FOCAD: variants seen among roughly 807,000 people sequenced by gnomAD.
FOCAD encodes the protein KIAA1797.
FOCAD carries 198 observed loss-of-function variants against 225.6 expected under a neutral mutation model. The observed-to-expected ratio is 0.88, with a 90% CI of 0.78 to 0.99. The LOEUF (loss-of-function observed/expected upper bound fraction) is 0.99. Ranked by LOEUF, FOCAD falls within the 50% of genes least tolerant of loss-of-function variation. The pLI, the probability that FOCAD is intolerant of heterozygous loss-of-function variation, is 0.00. For synonymous variants in FOCAD, 897 were observed against 755.0 expected, an observed-to-expected ratio of 1.19 and a Z score of -3.08; for missense variants, 2,713 against 2,123.6, an observed-to-expected ratio of 1.28 and a Z score of -5.46.
chr9:20,901,704 T>A (rs1171870661), intron 21 of FOCAD, among the ~76,000 whole-genome samples: 1 of 151,924 alleles, frequency 6.6e-6, no homozygotes, highest in Admixed American at 6.6e-5. Context: ...CAATTGCGAA[T>A]TATGTTTCTA....
At chr9:20,821,706 A>G (rs921900702) in intron 14 of FOCAD, among the ~76,000 whole-genome samples, 3 of 152,148 alleles carry the variant, frequency 2.0e-5, no homozygotes, top group African/African-American at 7.2e-5. Context: ...AAATGTTTAC[A>G]GAAGAAATGG....
chr9:20,846,877 T>G (rs1827167907), intron 15 of FOCAD, among the ~76,000 whole-genome samples: 1 of 152,064 alleles, frequency 6.6e-6, no homozygotes, highest in South Asian at 2.1e-4. Flanking sequence ...TGCCAAGTCT[T>G]TTTATAAACA....
intron 20 of FOCAD, among the ~76,000 whole-genome samples, chr9:20,883,651 A>G (rs1830865766): frequency 6.6e-6 from 1 of 152,222 alleles, no homozygotes; most frequent in Non-Finnish European, 1.5e-5. Context: ...TAAGTAATGG[A>G]TGGATCAGAG....
chr9:20,668,601 A>G (rs1429761756), intron 2 of FOCAD, among the ~76,000 whole-genome samples: 1 of 152,214 alleles, frequency 6.6e-6, no homozygotes, highest in African/African-American at 2.4e-5. Flanking sequence ...CCTAAATGGT[A>G]TGATTACAGG....
chr9:20,881,786 T>C (rs1830684354), intron 19 of FOCAD, 85 bp from the exon 20 acceptor site: 3 of 1,344,432 alleles, frequency 2.2e-6, no homozygotes, highest in Non-Finnish European at 3.1e-6. Flanking sequence ...GTAGCTTAGT[T>C]GTTTGTATAT....
rs559098725 is a variant in FOCAD, at chr9:20,752,406, T to G, written c.393-5684T>G. 1.7e-4 allele frequency among the ~76,000 whole-genome samples: 26 copies of G among 152,216 alleles called. No homozygotes were observed. The East Asian group carries it at 1.7e-3, about 10-fold the overall frequency. On this transcript the variant is annotated intron_variant, in intron 5 of 43. Transcript: ENST00000338382. ...AGCCAGTTTTCCCAGCACCATTTAT[T>G]AAATAGGGAATCCTTTCCCCATTGC...
intron 11 of FOCAD, among the ~76,000 whole-genome samples, chr9:20,792,018 G>A (rs905171832): frequency 5.9e-5 from 9 of 152,336 alleles, no homozygotes; most frequent in African/African-American, 2.2e-4. Flanking sequence ...CAGGCTGCCT[G>A]AAGTCTCTGT....
chr9:20,795,604 G>A (rs528489614), intron 11 of FOCAD, among the ~76,000 whole-genome samples: 1 of 152,002 alleles, frequency 6.6e-6, no homozygotes, highest in South Asian at 2.1e-4. Context: ...GCTACACGGT[G>A]AAACCCCGTC....
chr9:20,822,410 A>G (rs1044777832), intron 14 of FOCAD, among the ~76,000 whole-genome samples: 65 of 152,196 alleles, frequency 4.3e-4, no homozygotes, highest in Non-Finnish European at 8.8e-4. Context: ...TGGGGATAGC[A>G]CAATATATGT....
chr9:20,887,654 G>C (rs766873441), intron 21 of FOCAD, among the ~76,000 whole-genome samples: 1 of 152,180 alleles, frequency 6.6e-6, no homozygotes, highest in Non-Finnish European at 1.5e-5. Flanking sequence ...TTCTCATACA[G>C]ATCCCTGTGT....
intron 21 of FOCAD, 118 bp downstream of exon 21, chr9:20,885,348 AG>A: frequency 9.4e-7 from 1 of 1,067,312 alleles, no homozygotes; most frequent in Non-Finnish European, 1.2e-6. Flanking sequence ...TTGCTTTTAA[AG>A]GCCACCAAAA....
chr9:20,813,613 G>A (rs2131366792), intron 11 of FOCAD, among the ~76,000 whole-genome samples: 1 of 152,216 alleles, frequency 6.6e-6, no homozygotes, highest in East Asian at 1.9e-4. Context: ...TGTGATTTCA[G>A]TCTTAAATTT....
At chr9:20,778,089 CAAAAAAAAAAAA>C (rs1184354592) in intron 8 of FOCAD, among the ~76,000 whole-genome samples, 2 of 84,190 alleles carry the variant, frequency 2.4e-5, no homozygotes, top group African/African-American at 4.4e-5. Flanking sequence ...GACTCCGTCT[CAAAAAAAAAAAA>C]AAAAAAAAAA....
rs529627001 is a variant in FOCAD, at chr9:20,901,930, C to G, written c.2626-5220C>G. ...TGTAAAATCTGCAAAACTGTCTTCTCAACAACTCTGTGCCTATTTAAAAAA... is the reference window on the plus strand; with the variant it reads ...TGTAAAATCTGCAAAACTGTCTTCTGAACAACTCTGTGCCTATTTAAAAAA... On this transcript the variant is annotated intron_variant, in intron 21 of 43. Transcript: ENST00000338382. Among the ~76,000 whole-genome samples the G allele has an allele frequency of 5.1e-5, 7 of 136,990 alleles. No homozygotes were observed. The East Asian group carries it at 6.7e-4, about 13-fold the overall frequency. 89.9% of individuals were successfully genotyped at this position (136,990 alleles called of 152,430 possible). A position where few individuals can be genotyped will look rare whatever the true frequency, so the allele number is the denominator to read the frequency against.
chr9:20,720,214 A>C (rs773446266), intron 3 of FOCAD, among the ~76,000 whole-genome samples, 166 bp from the exon 4 acceptor site: 2 of 152,146 alleles, frequency 1.3e-5, no homozygotes, highest in East Asian at 3.8e-4. Context: ...CCTCTCTTGG[A>C]AAATTGACTT....
chr9:20,927,523 G>T (rs1835071658), intron 26 of FOCAD, among the ~76,000 whole-genome samples: 1 of 151,322 alleles, frequency 6.6e-6, no homozygotes, highest in South Asian at 2.1e-4. Context: ...TAATGTTGTT[G>T]ATCATTTAAA....
Position 20,778,524 on chromosome 9 carries a change from A to G in FOCAD, c.907-157A>G, listed in dbSNP as rs941930608. Among the ~76,000 whole-genome samples, 3 of 152,192 alleles carry G rather than the reference A, an allele frequency of 2.0e-5. No individual in the cohort carries two copies. In the South Asian group the frequency reaches 6.2e-4, roughly 31 times the overall value. On this transcript the variant is annotated intron_variant, in intron 8 of 43. Transcript: ENST00000338382. Reference sequence around the variant, plus strand: ...CGTGAGCTGCCACGCCCGGCCGACCAATTCTTTCTTTAGTAGAGCACACTT... The same window carrying G: ...CGTGAGCTGCCACGCCCGGCCGACCGATTCTTTCTTTAGTAGAGCACACTT...
rs896298841 is a variant in FOCAD, at chr9:20,946,563, A to G, written c.3556-138A>G. 162 of 835,158 alleles carry G rather than the reference A, an allele frequency of 1.9e-4. 3 individuals are homozygous for G. In the South Asian group the frequency reaches 2.8e-3, roughly 14 times the overall value. The allele number at this position is 835,158 out of a possible 1,614,324, so 51.7% of individuals were successfully genotyped here. A position where few individuals can be genotyped will look rare whatever the true frequency, so the allele number is the denominator to read the frequency against. ...TACAATATAAGTTAGGCAGAAAAACAGTGCCCAATCCATGGTAAATGTATG... is the reference window on the plus strand; with the variant it reads ...TACAATATAAGTTAGGCAGAAAAACGGTGCCCAATCCATGGTAAATGTATG... On this transcript the variant is annotated intron_variant, in intron 29 of 43. Coordinates refer to ENST00000338382, the MANE Select transcript of FOCAD (RefSeq NM_001375567.1).
At chr9:20,730,707 A>G (rs1387128420) in intron 4 of FOCAD, among the ~76,000 whole-genome samples, 2 of 152,210 alleles carry the variant, frequency 1.3e-5, no homozygotes, top group African/African-American at 4.8e-5. Context: ...CGGTCTTAAT[A>G]TTAAGTCATA....
Sources: allele counts gnomAD v4.1 joint callset (sites outside exome capture counted in the v4.1 genomes callset), GRCh38; gene constraint gnomAD v4.1.1; transcripts MANE v1.5; gene names NCBI Gene and HGNC (gene_info 2026-07-23, HGNC 2026-07-21).